The following NXN variants were observed in gnomAD, a reference collection of about 807,000 sequenced individuals.
NXN encodes the protein nucleoredoxin 1.
Under a neutral mutation model 48.6 loss-of-function variants are expected in NXN, and 16 were observed. That is an observed-to-expected ratio of 0.33 (90% CI 0.22 to 0.50). NXN has a LOEUF of 0.50. Among genes scored for constraint, NXN ranks in the 20% least tolerant of loss-of-function variants. The pLI is 0.98. For missense variants in NXN, 492 were observed against 605.5 expected, an observed-to-expected ratio of 0.81 and a Z score of 1.97; for synonymous variants, 281 against 269.6, an observed-to-expected ratio of 1.04 and a Z score of -0.41.
At chr17:835,163 C>G (rs1913735279) in intron 1 of NXN, among the ~76,000 whole-genome samples, 1 of 151,524 alleles carries the variant, frequency 6.6e-6, no homozygotes, top group Non-Finnish European at 1.5e-5. Context: ...AAAAAATTAG[C>G]CGGGTGTGGT....
intron 5 of NXN, among the ~76,000 whole-genome samples, chr17:816,731 G>A (rs1455413189): frequency 6.6e-6 from 1 of 152,122 alleles, no homozygotes; most frequent in Admixed American, 6.6e-5. Context: ...CAGGCAGAAT[G>A]CAATGGCATC....
intron 5 of NXN, among the ~76,000 whole-genome samples, chr17:811,430 G>C (rs1441590087): frequency 6.6e-6 from 1 of 151,400 alleles, no homozygotes; most frequent in African/African-American, 2.4e-5. Flanking sequence ...CAGGTGTGTT[G>C]ACAACGGTCT....
intron 1 of NXN, among the ~76,000 whole-genome samples, chr17:976,770 T>A (rs1181514572): frequency 1.4e-5 from 2 of 145,216 alleles, no homozygotes; most frequent in Non-Finnish European, 3.1e-5. Context: ...AATAATTCCT[T>A]TTTTTTTTTT....
intron 1 of NXN, among the ~76,000 whole-genome samples, chr17:884,395 A>C (rs1306838767): frequency 1.3e-5 from 2 of 150,792 alleles, no homozygotes; most frequent in Non-Finnish European, 3.0e-5. Context: ...ACAGGGCGAG[A>C]CCCTGTCTCT....
intron 5 of NXN, among the ~76,000 whole-genome samples, chr17:814,178 C>T (rs1484112827): frequency 1.6e-5 from 2 of 123,062 alleles, no homozygotes; most frequent in Non-Finnish European, 3.4e-5. Context: ...AGGAGAACGG[C>T]GTGAACCCGG....
At chr17:967,075 A>G (rs1194042585) in intron 1 of NXN, among the ~76,000 whole-genome samples, 2 of 152,072 alleles carry the variant, frequency 1.3e-5, no homozygotes, top group Non-Finnish European at 2.9e-5. Flanking sequence ...ACTCTCCCTC[A>G]GTAATACACC....
At chr17:821,700 A>G (rs62067088) in intron 4 of NXN, among the ~76,000 whole-genome samples, 3,540 of 24,102 alleles carry the variant, frequency 0.15, 1,070 homozygotes, top group African/African-American at 0.34. Flanking sequence ...GCAGTGAGCC[A>G]AGATCGCACC....
intron 1 of NXN, among the ~76,000 whole-genome samples, chr17:870,013 T>C (rs972713830): frequency 6.6e-6 from 1 of 152,188 alleles, no homozygotes; most frequent in African/African-American, 2.4e-5. Context: ...CATTTAGCAA[T>C]GCCTGGGAAC....
intron 5 of NXN, among the ~76,000 whole-genome samples, chr17:806,686 T>C (rs550041792): frequency 2.6e-4 from 39 of 152,270 alleles, no homozygotes; most frequent in Non-Finnish European, 5.9e-5. Flanking sequence ...GGTCAGTAAT[T>C]TGCTCCGCTG....
chr17:885,672 CTTTTTTTT>C (rs532225883), intron 1 of NXN, among the ~76,000 whole-genome samples: 7 of 83,750 alleles, frequency 8.4e-5, no homozygotes, highest in African/African-American at 1.3e-4. Context: ...GCGGTACTCG[CTTTTTTTT>C]TTTTTTTTTT....
intron 1 of NXN, among the ~76,000 whole-genome samples, chr17:934,564 G>A (rs2150599950): frequency 6.6e-6 from 1 of 151,934 alleles, no homozygotes; most frequent in South Asian, 2.1e-4. Context: ...AAATTCCCAA[G>A]TCTGGCCAAA....
Position 801,968 on chromosome 17 carries a change from C to T in NXN, c.1126-837G>A, listed in dbSNP as rs541530241. On this transcript the variant is annotated intron_variant, in intron 7 of 7. Coordinates refer to ENST00000336868, the MANE Select transcript of NXN (RefSeq NM_022463.5). ...GCTGCTTAAGCACTGTGGAAGCTTACGCTGCCTCACTACTTATCTGAGAAA... is the reference window on the plus strand; with the variant it reads ...GCTGCTTAAGCACTGTGGAAGCTTATGCTGCCTCACTACTTATCTGAGAAA... Among the ~76,000 whole-genome samples, 9 of 152,356 alleles carry T rather than the reference C, an allele frequency of 5.9e-5. No homozygotes were observed. In the South Asian group the frequency reaches 1.9e-3, roughly 32 times the overall value.
chr17:979,736 G>C lies in NXN; in HGVS notation c.-58C>G. On this transcript the variant is annotated 5_prime_UTR_variant, in exon 1 of 8. Coordinates refer to ENST00000336868, the MANE Select transcript of NXN (RefSeq NM_022463.5). ...GACCCCGCTCCACGGTCCGCGCGGC[G>C]GGAGGAGGCGGCGGCGTCGGCGGCA... The C allele has an allele frequency of 1.6e-6, 2 of 1,252,660 alleles. No homozygotes were observed. The highest frequency in any genetic ancestry group is 1.6e-5 in the African/African-American group (1 of 63,070). 77.6% of individuals were successfully genotyped at this position (1,252,660 alleles called of 1,614,324 possible).
chr17:870,751 T>C (rs1485311031), intron 1 of NXN, among the ~76,000 whole-genome samples: 1 of 148,402 alleles, frequency 6.7e-6, no homozygotes, highest in East Asian at 2.0e-4. Flanking sequence ...TGAGACTCTG[T>C]CTGGAAAAAA....
intron 1 of NXN, among the ~76,000 whole-genome samples, chr17:924,404 A>C (rs992887369): frequency 6.6e-6 from 1 of 152,036 alleles, no homozygotes; most frequent in African/African-American, 2.4e-5. Context: ...CGTCCGGCTA[A>C]TTTTGTATTT....
rs535597583 is a variant in NXN at position 810,156 on chromosome 17, G to A, written c.821-4909C>T. ...TGCACGTTACGAGTCTGTGACTGGC[G>A]TGCACGTTACGAGTCTGTGACTGGC... is the stretch of plus-strand genomic sequence containing the variant. On this transcript the variant is annotated intron_variant, in intron 5 of 7. Coordinates refer to ENST00000336868, the MANE Select transcript of NXN (RefSeq NM_022463.5). Among the ~76,000 whole-genome samples the A allele has an allele frequency of 3.3e-5, 4 of 121,844 alleles. 1 individual carries two copies. The highest frequency in any genetic ancestry group is 9.4e-5 in the African/African-American group (3 of 32,064). The allele number at this position is 121,844 out of a possible 152,430, so 79.9% of individuals were successfully genotyped here.
At chr17:890,137 C>T (rs893100964) in intron 1 of NXN, among the ~76,000 whole-genome samples, 7 of 151,832 alleles carry the variant, frequency 4.6e-5, no homozygotes, top group African/African-American at 1.7e-4. Flanking sequence ...TGGACCTACT[C>T]GTTATGAAAT....
intron 5 of NXN, among the ~76,000 whole-genome samples, 197 bp from the exon 6 acceptor site, chr17:805,444 T>A (rs1335713059): frequency 6.6e-6 from 1 of 152,146 alleles, no homozygotes; most frequent in African/African-American, 2.4e-5. Flanking sequence ...GGGGGAGCCA[T>A]GGAACCCCCT....
At chr17:894,849 C>T (rs1487866141) in intron 1 of NXN, among the ~76,000 whole-genome samples, 10 of 152,230 alleles carry the variant, frequency 6.6e-5, no homozygotes, top group Admixed American at 6.6e-4. Flanking sequence ...ATGTGACTGC[C>T]TCAACTTTAA....
Sources: gnomAD v4.1 joint callset for allele counts (sites outside exome capture counted in the v4.1 genomes callset) on GRCh38, gnomAD v4.1.1 for gene constraint, MANE v1.5 for transcripts, NCBI Gene and HGNC (gene_info 2026-07-23, HGNC 2026-07-21) for gene names.